ADAMTS14: variants seen among roughly 807,000 people sequenced by gnomAD.
ADAMTS14 encodes ADAM metallopeptidase with thrombospondin type 1 motif 14, also known as A disintegrin and metalloproteinase with thrombospondin motifs 14.
A neutral mutation model predicts 128.6 loss-of-function variants in ADAMTS14; 100 were observed. That is an observed-to-expected ratio of 0.78 (90% confidence interval 0.66 to 0.92). The LOEUF is 0.92. Ranked by LOEUF, ADAMTS14 falls within the 40% of genes least tolerant of loss-of-function variation. The pLI, the probability that ADAMTS14 is intolerant of heterozygous loss-of-function variation, is 0.00. For synonymous variants in ADAMTS14, 665 were observed against 653.8 expected (o/e 1.02, Z -0.26); for missense variants, 1,562 against 1,658.6 (o/e 0.94, Z 1.01).
intron 10 of ADAMTS14, among the ~76,000 whole-genome samples, chr10:70,737,974 A>G (rs779735849): frequency 3.9e-5 from 6 of 152,210 alleles, no homozygotes; most frequent in Non-Finnish European, 7.3e-5. Flanking sequence ...ACTTGAAATG[A>G]GTGAATTCTA....
intron 2 of ADAMTS14, among the ~76,000 whole-genome samples, chr10:70,679,768 GT>G (rs1326386657): frequency 2.6e-5 from 4 of 152,216 alleles, no homozygotes; most frequent in Admixed American, 6.5e-5. Flanking sequence ...ATCTGGTTCT[GT>G]TTTCCACTCT....
Position 70,732,255 on chromosome 10 carries a change from G to T in ADAMTS14, c.1104G>T (p.Gly368=), listed in dbSNP as rs144483860. 3.1e-6 allele frequency: 5 copies of T among 1,613,946 alleles called. No homozygotes were observed. Among genetic ancestry groups the T allele is most frequent in the African/African-American group, 1.3e-5 (1 of 74,930 alleles). ...ACCTTTTCTTTCTCTCTTCGGCAGG[G>T]TATGCACCCGTCACTGGCATGTGTC... ...FLTRQDFGPS[G]YAPVTGMCHP... Residue 368 remains glycine, a splice_region_variant and synonymous_variant, in exon 7 of 22, where the codon GGG becomes GGT. Transcript: ENST00000373207.
intron 2 of ADAMTS14, among the ~76,000 whole-genome samples, chr10:70,693,977 C>T (rs1840262020): frequency 1.3e-5 from 2 of 152,228 alleles, no homozygotes; most frequent in Non-Finnish European, 2.9e-5. Context: ...CAGCTTTCAG[C>T]CCCATCCTCC....
chr10:70,755,533 T>C (rs1376996883), intron 19 of ADAMTS14, among the ~76,000 whole-genome samples: 6 of 152,166 alleles, frequency 3.9e-5, no homozygotes, highest in Non-Finnish European at 8.8e-5. Flanking sequence ...TTAATGCCAC[T>C]GAACCATAGA....
At chr10:70,725,002 G>C (rs1296491158) in intron 4 of ADAMTS14, among the ~76,000 whole-genome samples, 1 of 151,552 alleles carries the variant, frequency 6.6e-6, no homozygotes, top group East Asian at 1.9e-4. Context: ...AACAGTTTTT[G>C]TTTATCTGAT....
chr10:70,751,782 G>C, intron 17 of ADAMTS14, 136 bp downstream of exon 17: 1 of 1,244,364 alleles, frequency 8.0e-7, no homozygotes, highest in African/African-American at 1.5e-5. Context: ...GATCTCCAGT[G>C]TGTGGAAGCC....
At chr10:70,745,407 A>C (rs1213019397) in intron 15 of ADAMTS14, 101 bp downstream of exon 15, 9 of 1,238,662 alleles carry the variant, frequency 7.3e-6, no homozygotes, top group South Asian at 1.2e-5. Flanking sequence ...GTACAAGTGG[A>C]ATTGTACTAA....
In ADAMTS14 at chr10:70,691,682, T is replaced by C. The variant is rs758452182; in HGVS notation, c.523-10630T>C. Among the ~76,000 whole-genome samples, 92 of 152,078 alleles carry C rather than the reference T, an allele frequency of 6.0e-4. 1 individual carries two copies. The highest frequency in any genetic ancestry group is 3.9e-4 in the Admixed American group (6 of 15,282). ...CCCAGCTTGGATGGCTGTGAGGGCA[T>C]TGACTGGTCCTTGGCCACTCAGCAG... On this transcript the variant is annotated intron_variant, in intron 2 of 21. Coordinates refer to ENST00000373207, the MANE Select transcript of ADAMTS14 (RefSeq NM_080722.4).
intron 11 of ADAMTS14, among the ~76,000 whole-genome samples, chr10:70,740,491 T>C (rs1841962112): frequency 6.6e-6 from 1 of 152,252 alleles, no homozygotes; most frequent in Non-Finnish European, 1.5e-5. Flanking sequence ...AAGGTTGCAC[T>C]GTCAGGACTT....
Position 70,751,481 on chromosome 10 carries a change from C to G in ADAMTS14, c.2431C>G (p.Leu811Val). The stretch of plus-strand genomic sequence containing the variant: ...CCAGCTCCCCATCTCCCCTCAGGCT[C>G]TCCCCCCAACTGAGGGTGGCCCCCG... ...PLPEAIAILALPPTEGGPRSS... is the reference protein window; with the variant it reads ...PLPEAIAILAVPPTEGGPRSS... The change falls in exon 17 of 22, where the codon CTC becomes GTC. Residue 811 changes from leucine to valine, a missense_variant. Transcript: ENST00000373207. The G allele has an allele frequency of 1.2e-6, 2 of 1,600,142 alleles. No homozygotes were observed. The highest frequency in any genetic ancestry group is 2.3e-5 in the East Asian group (1 of 44,414).
intron 3 of ADAMTS14, among the ~76,000 whole-genome samples, chr10:70,703,188 G>A (rs751592818): frequency 5.9e-5 from 9 of 152,184 alleles, no homozygotes; most frequent in Non-Finnish European, 2.9e-5. Flanking sequence ...GCGCCCAGGC[G>A]ACCAGTGCAG....
At chr10:70,755,429 G>C (rs995072908) in intron 19 of ADAMTS14, among the ~76,000 whole-genome samples, 1 of 152,204 alleles carries the variant, frequency 6.6e-6, no homozygotes, top group Non-Finnish European at 1.5e-5. Context: ...TGAATGAGGG[G>C]TTAGTGTTTA....
intron 2 of ADAMTS14, among the ~76,000 whole-genome samples, chr10:70,699,395 T>C (rs149808996): frequency 6.6e-6 from 1 of 152,076 alleles, no homozygotes; most frequent in East Asian, 1.9e-4. Context: ...TTATAAAGGA[T>C]GGAAAGTAGG....
chr10:70,717,758 G>T (rs922859326), intron 4 of ADAMTS14, among the ~76,000 whole-genome samples: 1 of 152,200 alleles, frequency 6.6e-6, no homozygotes, highest in African/African-American at 2.4e-5. Context: ...GAAGCTTCCA[G>T]TCTGTTTCCT....
chr10:70,708,552 G>A, intron 3 of ADAMTS14, 36 bp from the exon 4 acceptor site: 1 of 1,566,406 alleles, frequency 6.4e-7, no homozygotes, highest in Non-Finnish European at 8.7e-7. Context: ...CCCCTCCTGT[G>A]GGTTGGACCT....
rs1394898785 is a variant in ADAMTS14, at chr10:70,749,807, C to T, written c.2264-15C>T. 9 of 1,612,478 alleles carry T rather than the reference C, an allele frequency of 5.6e-6. No individual in the cohort carries two copies. Among genetic ancestry groups the T allele is most frequent in the South Asian group, 5.5e-5 (5 of 90,976 alleles). On this transcript the variant is annotated splice_polypyrimidine_tract_variant and intron_variant, in intron 15 of 21. Coordinates refer to ENST00000373207, the MANE Select transcript of ADAMTS14 (RefSeq NM_080722.4). ...GGAGCAGAAATCTGTGTGACCCTCTCCCCCCACCGGTCAGTGGTGAAGAAC... is the reference window on the plus strand; with the variant it reads ...GGAGCAGAAATCTGTGTGACCCTCTTCCCCCACCGGTCAGTGGTGAAGAAC...
intron 3 of ADAMTS14, among the ~76,000 whole-genome samples, chr10:70,706,805 G>A (rs998705534): frequency 2.0e-5 from 3 of 152,232 alleles, no homozygotes; most frequent in Non-Finnish European, 4.4e-5. Flanking sequence ...AGCCCTGTGT[G>A]TTCCCTGTTA....
chr10:70,723,705 C>G (rs1841342911), intron 4 of ADAMTS14, among the ~76,000 whole-genome samples: 1 of 152,206 alleles, frequency 6.6e-6, no homozygotes, highest in African/African-American at 2.4e-5. Context: ...TTTTTCAGCA[C>G]TGGCCTCCAC....
chr10:70,741,446 C>A (rs1250471614), intron 12 of ADAMTS14, among the ~76,000 whole-genome samples: 3 of 152,232 alleles, frequency 2.0e-5, no homozygotes, highest in African/African-American at 7.2e-5. Flanking sequence ...GGAAGGGACA[C>A]TTCACACACA....
Sources: gnomAD v4.1 joint callset for allele counts (sites outside exome capture counted in the v4.1 genomes callset) on GRCh38, gnomAD v4.1.1 for gene constraint, MANE v1.5 for transcripts, NCBI Gene and HGNC (gene_info 2026-07-23, HGNC 2026-07-21) for gene names.